NHSL1: variants seen among roughly 807,000 people sequenced by gnomAD.
NHSL1 encodes NHS-like protein 1.
A neutral mutation model predicts 95.0 loss-of-function variants in NHSL1; 48 were observed. That is an observed-to-expected ratio of 0.51 (90% CI 0.40 to 0.64). The LOEUF (loss-of-function observed/expected upper bound fraction) is 0.64. Ranked by LOEUF, NHSL1 falls within the 30% of genes least tolerant of loss-of-function variation. The pLI is 0.00. For missense variants in NHSL1, 1,971 were observed against 2,077.7 expected (o/e 0.95, Z 1.00); for synonymous variants, 783 against 833.9 (o/e 0.94, Z 1.05).
At chr6:138,652,349 G>T (rs2114711753) in intron 1 of NHSL1, among the ~76,000 whole-genome samples, 1 of 151,572 alleles carries the variant, frequency 6.6e-6, no homozygotes, top group African/African-American at 2.4e-5. Flanking sequence ...GTTGAAGCAG[G>T]AGAATCACTT....
At chr6:138,426,976 CAGAAAAGGTAACTG>C (rs1199892638) in intron 7 of NHSL1, among the ~76,000 whole-genome samples, 4 of 152,196 alleles carry the variant, frequency 2.6e-5, no homozygotes, top group Admixed American at 2.0e-4. Flanking sequence ...CTTTGGGTTT[CAGAAAAGGTAACTG>C]AGAAAAGGTA....
intron 1 of NHSL1, among the ~76,000 whole-genome samples, chr6:138,511,764 C>T (rs142664084): frequency 1.3e-5 from 2 of 152,170 alleles, no homozygotes; most frequent in African/African-American, 2.4e-5. Context: ...GGCAAAAACC[C>T]GTCTCTACAA....
chr6:138,641,213 G>A (rs1024137150), intron 1 of NHSL1, among the ~76,000 whole-genome samples: 1 of 152,082 alleles, frequency 6.6e-6, no homozygotes, highest in Admixed American at 6.6e-5. Flanking sequence ...CAGCTCAATG[G>A]GATTACTAAA....
intron 1 of NHSL1, among the ~76,000 whole-genome samples, chr6:138,507,358 A>G (rs1292485668): frequency 1.3e-5 from 2 of 152,228 alleles, no homozygotes; most frequent in African/African-American, 4.8e-5. Context: ...CATTATGCTG[A>G]TCTGGCCTCT....
intron 3 of NHSL1, among the ~76,000 whole-genome samples, chr6:138,448,376 T>A (rs1448176089): frequency 6.6e-6 from 1 of 152,134 alleles, no homozygotes; most frequent in Non-Finnish European, 1.5e-5. Flanking sequence ...GCTCTTTAAG[T>A]CCGAAGCATT....
chr6:138,535,290 G>A (rs987384053), intron 1 of NHSL1, among the ~76,000 whole-genome samples: 8 of 152,130 alleles, frequency 5.3e-5, no homozygotes, highest in Admixed American at 3.3e-4. Flanking sequence ...TTGGCTGGGC[G>A]CAGTGGCTCA....
In NHSL1 at chr6:138,424,854, A is replaced by T; in HGVS notation, c.4086-38T>A. The T allele has an allele frequency of 6.6e-7, 1 of 1,510,372 alleles. No homozygotes were observed. 93.6% of individuals were successfully genotyped at this position (1,510,372 alleles called of 1,614,324 possible). On this transcript the variant is annotated intron_variant, in intron 7 of 7. Transcript: ENST00000343505. The surrounding 1 kb of genome is among the most constrained non-coding windows in gnomAD (Gnocchi z 5.9). ...AACATTAAGAAAAAGGTTAATTCCCACGGGACCACAGGCTGTCAGCCACAA... is the reference window on the plus strand; with the variant it reads ...AACATTAAGAAAAAGGTTAATTCCCTCGGGACCACAGGCTGTCAGCCACAA...
intron 1 of NHSL1, among the ~76,000 whole-genome samples, chr6:138,629,746 G>C (rs927646118): frequency 6.6e-6 from 1 of 152,158 alleles, no homozygotes; most frequent in South Asian, 2.1e-4. Context: ...TAGTTGTTGT[G>C]GCAATTGTTA....
At chr6:138,579,272 T>G (rs1408253232) in intron 1 of NHSL1, among the ~76,000 whole-genome samples, 1 of 152,218 alleles carries the variant, frequency 6.6e-6, no homozygotes, top group Non-Finnish European at 1.5e-5. Flanking sequence ...TTAGCCAATG[T>G]TGGTTGACAG....
intron 3 of NHSL1, among the ~76,000 whole-genome samples, chr6:138,455,584 C>T (rs1036176569): frequency 6.6e-6 from 1 of 152,056 alleles, no homozygotes; most frequent in Admixed American, 6.6e-5. Context: ...CTGGTGCTTT[C>T]GAGCTATGTG....
chr6:138,559,142 CA>C (rs1346800460), intron 1 of NHSL1, among the ~76,000 whole-genome samples: 3 of 152,164 alleles, frequency 2.0e-5, no homozygotes, highest in South Asian at 4.1e-4. Flanking sequence ...GGCTAGAATC[CA>C]AAAATTGGAA....
At chr6:138,620,298 G>A (rs1022699088) in intron 1 of NHSL1, among the ~76,000 whole-genome samples, 2 of 152,130 alleles carry the variant, frequency 1.3e-5, no homozygotes, top group Non-Finnish European at 2.9e-5. Context: ...ATCAACATCT[G>A]AGAAAGGCAC....
chr6:138,641,246 A>C (rs543566543), intron 1 of NHSL1, among the ~76,000 whole-genome samples: 5 of 152,210 alleles, frequency 3.3e-5, no homozygotes, highest in Non-Finnish European at 5.9e-5. Flanking sequence ...TGCTGTATAC[A>C]TTCTCTAATT....
Position 138,652,421 on chromosome 6 carries a change from CA to C in NHSL1, c.96+40054del, listed in dbSNP as rs541922116. Among the ~76,000 whole-genome samples, 1,049 of 128,170 alleles carry C rather than the reference CA, an allele frequency of 8.2e-3. 9 individuals carry two copies. The highest frequency in any genetic ancestry group is 0.027 in the African/African-American group (911 of 34,036). The allele number at this position is 128,170 out of a possible 152,430, so 84.1% of individuals were successfully genotyped here. ...CGCCATTACACTCCAGCCTGGGCAACAAGAGTGAAACTCTATCTCAAAAAAA... is the reference window on the plus strand; with the variant it reads ...CGCCATTACACTCCAGCCTGGGCAACAGAGTGAAACTCTATCTCAAAAAAA... On this transcript the variant is annotated intron_variant, in intron 1 of 3. Transcript: ENST00000491526.
At chr6:138,522,622 CAA>C (rs942589957) in intron 1 of NHSL1, among the ~76,000 whole-genome samples, 4 of 152,170 alleles carry the variant, frequency 2.6e-5, no homozygotes, top group African/African-American at 7.2e-5. Flanking sequence ...GCCTGAGTGA[CAA>C]GAGTGAAACT....
intron 3 of NHSL1, among the ~76,000 whole-genome samples, chr6:138,453,693 C>T (rs1019339037): frequency 2.0e-5 from 3 of 151,398 alleles, no homozygotes; most frequent in Non-Finnish European, 4.4e-5. Flanking sequence ...ATGACCGGCA[C>T]AAGCCACCAT....
chr6:138,574,627 G>A (rs1292865033), upstream of NHSL1, among the ~76,000 whole-genome samples: 1 of 149,542 alleles, frequency 6.7e-6, no homozygotes, highest in African/African-American at 2.5e-5. Context: ...AGGAGTTCAA[G>A]CTCGGCCTGG....
At chr6:138,479,666 C>T (rs1044569336) in intron 2 of NHSL1, among the ~76,000 whole-genome samples, 9 of 152,192 alleles carry the variant, frequency 5.9e-5, no homozygotes, top group African/African-American at 2.2e-4. Flanking sequence ...CTGCAGGTAG[C>T]TGAAACTATG....
chr6:138,484,184 A>G (rs762812200), intron 2 of NHSL1, among the ~76,000 whole-genome samples: 1 of 152,208 alleles, frequency 6.6e-6, no homozygotes, highest in Non-Finnish European at 1.5e-5. Flanking sequence ...TAACTGCATC[A>G]TGGGCAACTC....
Sources: allele counts gnomAD v4.1 joint callset (sites outside exome capture counted in the v4.1 genomes callset), GRCh38; gene constraint gnomAD v4.1.1; non-coding constraint Gnocchi (gnomAD v3.1); transcripts MANE v1.5; gene names NCBI Gene and HGNC (gene_info 2026-07-23, HGNC 2026-07-21).